Variants in PDS5A observed in about 807,000 individuals in gnomAD.
The protein encoded by PDS5A is PDS5 cohesin associated factor A.
PDS5A carries 42 observed loss-of-function variants against 167.1 expected under a neutral mutation model. The observed-to-expected ratio is 0.25, with a 90% CI of 0.20 to 0.33. The LOEUF (loss-of-function observed/expected upper bound fraction) is 0.33, where lower values mean the gene tolerates loss of function less well. PDS5A is among the 10% of genes least tolerant of loss of function. The pLI is 1.00. For synonymous variants in PDS5A, 553 were observed against 554.6 expected (o/e 1.00, Z 0.04); for missense variants, 1,033 against 1,605.9 (o/e 0.64, Z 6.10).
chr4:39,862,444 C>T (rs1719077397), intron 25 of PDS5A, 111 bp from the exon 26 acceptor site: 4 of 539,064 alleles, frequency 7.4e-6, no homozygotes, highest in Non-Finnish European at 1.0e-5. Flanking sequence ...TTAGGCACAA[C>T]ATGATACCTG....
intron 8 of PDS5A, among the ~76,000 whole-genome samples, chr4:39,916,796 G>A (rs188744970): frequency 4.2e-4 from 64 of 151,898 alleles, no homozygotes; most frequent in Non-Finnish European, 7.7e-4. Flanking sequence ...AACCTGGGGG[G>A]CAAAGGTTGC....
chr4:39,973,371 T>C, intron 2 of PDS5A: 4 of 1,602,900 alleles, frequency 2.5e-6, no homozygotes, highest in South Asian at 1.1e-5. Flanking sequence ...CATTAAGATG[T>C]TGCTGAGGAT....
chr4:39,908,113 T>C (rs1158646937), intron 11 of PDS5A, among the ~76,000 whole-genome samples: 1 of 152,194 alleles, frequency 6.6e-6, no homozygotes, highest in Non-Finnish European at 1.5e-5. Context: ...ACTCATCATG[T>C]AAATAAAAAG....
At chr4:39,926,038 G>A (rs1312369797) in intron 4 of PDS5A, 105 bp from the exon 5 acceptor site, 17 of 349,650 alleles carry the variant, frequency 4.9e-5, no homozygotes, top group Admixed American at 2.4e-4. Flanking sequence ...ACATATTAAA[G>A]TCTATAAAGA....
At chr4:39,945,909 A>G (rs532293325) in intron 2 of PDS5A, among the ~76,000 whole-genome samples, 29 of 152,032 alleles carry the variant, frequency 1.9e-4, no homozygotes, top group Non-Finnish European at 3.4e-4. Context: ...GAGTTGAAAG[A>G]AAAAAAAGCA....
Position 39,845,857 on chromosome 4 carries a change from A to G in PDS5A, c.3363T>C (p.Tyr1121=). The part of the protein sequence containing the change: ...PEKDFCNDKS[Y]ISEETRVLLL... ...GAAGTACTCTTGTCTCTTCTGAAATATAACTCTTATCGTTACAGAAGTCCT... is the reference window on the plus strand; with the variant it reads ...GAAGTACTCTTGTCTCTTCTGAAATGTAACTCTTATCGTTACAGAAGTCCT... Residue 1121 remains tyrosine (Y), a synonymous_variant, in exon 29 of 33, where the codon TAT becomes TAC. Coordinates refer to ENST00000303538, the MANE Select transcript of PDS5A (RefSeq NM_001100399.2). 1.4e-6 allele frequency: 2 copies of G among 1,397,558 alleles called. No individual in the cohort carries two copies. The highest frequency in any genetic ancestry group is 1.6e-5 in the South Asian group (1 of 63,736). The allele number at this position is 1,397,558 out of a possible 1,614,324, so 86.6% of individuals were successfully genotyped here.
At chr4:39,836,615 A>ATTTTTTTTTTTT (rs71645192) in intron 32 of PDS5A, among the ~76,000 whole-genome samples, 32 of 106,116 alleles carry the variant, frequency 3.0e-4, no homozygotes, top group Non-Finnish European at 3.8e-4. Flanking sequence ...ATTTTTTTCT[A>ATTTTTTTTTTTT]TTTTTTTTTT....
At chr4:39,948,785 C>T (rs896459004) in intron 2 of PDS5A, among the ~76,000 whole-genome samples, 4 of 151,716 alleles carry the variant, frequency 2.6e-5, no homozygotes, top group Non-Finnish European at 5.9e-5. Context: ...CCACCATGCC[C>T]GGATAATTTT....
At chr4:39,889,146 TGGGGCCTAATCCAA>T (rs1560457258) in intron 17 of PDS5A, among the ~76,000 whole-genome samples, 1 of 152,084 alleles carries the variant, frequency 6.6e-6, no homozygotes, top group Non-Finnish European at 1.5e-5. Context: ...ATTGAATGGG[TGGGGCCTAATCCAA>T]TATGACTATT....
At chr4:39,946,402 T>C (rs1488419764) in intron 2 of PDS5A, among the ~76,000 whole-genome samples, 1 of 151,356 alleles carries the variant, frequency 6.6e-6, no homozygotes, top group African/African-American at 2.4e-5. Flanking sequence ...AAGCAGACAG[T>C]GGCAGAGAAG....
Position 39,862,250 on chromosome 4 carries a change from G to C in PDS5A, c.3055C>G (p.Gln1019Glu), listed in dbSNP as rs1719064485. Residue 1019 changes from glutamine to glutamate, a missense_variant, in exon 26 of 33, where the codon CAA (glutamine) becomes GAA (glutamate). Physicochemically the swap from Gln to Glu is conservative, Grantham distance 29. This residue lies in a region of PDS5A where 367 missense variants were observed against 686.7 expected (regional missense o/e 0.53). Transcript: ENST00000303538. ...ATATCACGAAGCTGATCAACATCTT[G>C]TGATCTTGTAAAATCTGGATCATGG... is the stretch of plus-strand genomic sequence containing the variant. ...LAHDPDFTRS[Q>E]DVDQLRDIKE... 6.6e-7 allele frequency: 1 copy of C among 1,523,842 alleles called. No homozygotes were observed. The highest frequency in any genetic ancestry group is 8.9e-7 in the Non-Finnish European group (1 of 1,122,462). The allele number at this position is 1,523,842 out of a possible 1,614,324, so 94.4% of individuals were successfully genotyped here. A position where few individuals can be genotyped will look rare whatever the true frequency, so the allele number is the denominator to read the frequency against.
intron 8 of PDS5A, among the ~76,000 whole-genome samples, chr4:39,915,916 C>T (rs1724332737): frequency 6.6e-6 from 1 of 152,104 alleles, no homozygotes; most frequent in African/African-American, 2.4e-5. Context: ...TGAAAACTCG[C>T]CCCTCTGCTA....
chr4:39,954,914 C>T (rs28635293), intron 2 of PDS5A, among the ~76,000 whole-genome samples: 37,032 of 151,774 alleles, frequency 0.24, 4,972 homozygotes, highest in East Asian at 0.44. Context: ...GTAGCACATG[C>T]CTGTAGTCTC....
intron 31 of PDS5A, among the ~76,000 whole-genome samples, chr4:39,840,843 C>T (rs751340865): frequency 2.0e-5 from 3 of 152,156 alleles, no homozygotes; most frequent in Non-Finnish European, 4.4e-5. Context: ...CAACCTTCAC[C>T]TCGAGGGTTC....
rs765553747 is a variant in PDS5A, at chr4:39,838,077, G to A, written c.3789C>T (p.Pro1263=). 20 of 1,613,798 alleles carry A rather than the reference G, an allele frequency of 1.2e-5. No homozygotes were observed. Among genetic ancestry groups the A allele is most frequent in the Admixed American group, 3.3e-5 (2 of 59,982 alleles). ...TDEKVDESGP[P]APSKPRRGRR... is the part of the protein sequence containing the mutation. ...GTCCTCTCCTGGGTTTGGAAGGGGC[G>A]GGAGGTCCCGATTCATCTACTTTCT... The change falls in exon 32 of 33, where the codon CCC becomes CCT. Residue 1263 remains proline (P), a synonymous_variant. Transcript: ENST00000303538.
chr4:39,916,275 A>C (rs540689108), intron 8 of PDS5A, among the ~76,000 whole-genome samples: 1 of 152,310 alleles, frequency 6.6e-6, no homozygotes, highest in South Asian at 2.1e-4. Flanking sequence ...AAACTTTTAC[A>C]AATAGCAGAG....
chr4:39,909,030 C>T (rs1252669401), intron 10 of PDS5A: 1 of 59,126 alleles, frequency 1.7e-5, no homozygotes, highest in African/African-American at 3.7e-5. Flanking sequence ...CAGAGTGACG[C>T]CCTGTATCAA....
At position 39,890,358 on chromosome 4, in the gene PDS5A, T is replaced by C. The variant is rs1465160961; in HGVS notation, c.1777A>G (p.Ile593Val). 4 of 1,540,736 alleles carry C rather than the reference T, an allele frequency of 2.6e-6. No individual in the cohort carries two copies. The highest frequency in any genetic ancestry group is 1.4e-5 in the African/African-American group (1 of 73,798). Residue 593 changes from isoleucine to valine, a missense_variant, in exon 17 of 33, where the codon ATA becomes GTA. By Grantham distance (29) the Ile-to-Val change is conservative. Transcript: ENST00000303538. ...CKQADICVRE[I>V]ARKLANPKQP... ...TTAGGATTTGCAAGTTTCCGGGCTA[T>C]TTCTCTCTATAGAAAGAAAGGAGTT...
intron 19 of PDS5A, 81 bp downstream of exon 19, chr4:39,876,912 T>C (rs1250469200): frequency 1.9e-6 from 2 of 1,071,198 alleles, no homozygotes; most frequent in African/African-American, 3.2e-5. Context: ...CCTATCTTCC[T>C]ACACAGAAGG....
Sources: allele counts gnomAD v4.1 joint callset (sites outside exome capture counted in the v4.1 genomes callset), GRCh38; gene constraint gnomAD v4.1.1; regional missense constraint gnomAD v4.1.1; transcripts MANE v1.5; gene names NCBI Gene and HGNC (gene_info 2026-07-23, HGNC 2026-07-21).